Variants in URB2 observed in about 807,000 individuals in gnomAD.
URB2 encodes URB2 ribosome biogenesis homolog.
URB2 carries 86 observed loss-of-function variants against 120.9 expected under a neutral mutation model. The observed-to-expected ratio is 0.71, with a 90% CI of 0.60 to 0.85. The LOEUF (loss-of-function observed/expected upper bound fraction) is 0.85, where lower values mean the gene tolerates loss of function less well. Ranked by LOEUF, URB2 falls within the 40% of genes least tolerant of loss-of-function variation. URB2 has a pLI of 0.00. For synonymous variants in URB2, 755 were observed against 758.4 expected (o/e 1.00, Z 0.07); for missense variants, 1,765 against 1,836.5 (o/e 0.96, Z 0.71).
At chr1:229,656,878 T>C (rs1169035276) in intron 9 of URB2, among the ~76,000 whole-genome samples, 1 of 152,214 alleles carries the variant, frequency 6.6e-6, no homozygotes, top group Non-Finnish European at 1.5e-5. Context: ...CTACAGATGC[T>C]CCTGGACTTA....
chr1:229,635,688 G>A lies in URB2; in HGVS notation c.1075G>A (p.Val359Ile), dbSNP rs2102784163. Residue 359 changes from valine (V) to isoleucine (I), a missense_variant, in exon 4 of 10, where the codon GTT (valine) becomes ATT (isoleucine). Val to Ile is a conservative substitution (Grantham distance 29). Coordinates refer to ENST00000258243, the MANE Select transcript of URB2 (RefSeq NM_014777.4). ...STSDWTTELL[V>I]VEQLLNSVAN... ...ATCAGATTGGACCACAGAGCTTTTG[G>A]TTGTGGAACAGCTACTAAACTCAGT... 1 of 1,614,176 alleles carries A rather than the reference G, an allele frequency of 6.2e-7. No individual in the cohort carries two copies. The highest frequency in any genetic ancestry group is 8.5e-7 in the Non-Finnish European group (1 of 1,180,040).
chr1:229,628,269 A>ATATTATACATATACAT (rs71173753), intron 2 of URB2, among the ~76,000 whole-genome samples: 2 of 147,676 alleles, frequency 1.4e-5, no homozygotes, highest in African/African-American at 2.5e-5. Flanking sequence ...ATATGTATAT[A>ATATTATACATATACAT]AATTAGTCAG....
At chr1:229,627,544 A>T in intron 1 of URB2, 77 bp from the exon 2 acceptor site, 1 of 1,429,376 alleles carries the variant, frequency 7.0e-7, no homozygotes, top group Non-Finnish European at 9.5e-7. Flanking sequence ...ACAGTACTGC[A>T]ATACTGTTGG....
chr1:229,637,944 C>T lies in URB2; in HGVS notation c.3331C>T (p.Arg1111Cys), dbSNP rs115286310. The change falls in exon 4 of 10, where the codon CGC becomes TGC. Residue 1111 changes from arginine (R) to cysteine (C), a missense_variant. Transcript: ENST00000258243. ...CTCAGTGCCGGGGGCCCGGGGCTGG[C>T]GCCTTCCCTCGGTCCTCATCTCATC... ...LCSVPGARGW[R>C]LPSVLISSVS... The T allele has an allele frequency of 1.9e-4, 305 of 1,612,964 alleles. No individual in the cohort carries two copies. In the African/African-American group the frequency reaches 2.9e-3, roughly 15 times the overall value.
Position 229,637,123 on chromosome 1 carries a change from A to G in URB2, c.2510A>G (p.Gln837Arg). The G allele has an allele frequency of 6.2e-7, 1 of 1,613,086 alleles. No homozygotes were observed. Among genetic ancestry groups the G allele is most frequent in the Non-Finnish European group, 8.5e-7 (1 of 1,179,380 alleles). ...CGTGACTCAGGTCTTGTCAGTCAGC[A>G]GCTTCCCTGGCTTTTTGAAAAGGAC... Reference protein sequence around the residue: ...AQRDSGLVSQQLPWLFEKDHM... With the variant: ...AQRDSGLVSQRLPWLFEKDHM... Residue 837 changes from glutamine (Q) to arginine (R), a missense_variant, in exon 4 of 10, where the codon CAG becomes CGG. Transcript: ENST00000258243.
At position 229,635,201 on chromosome 1, in the gene URB2, T is replaced by C. The variant is rs1162361657; in HGVS notation, c.588T>C (p.Asp196=). ...TCAACCCAAGACGTGCCTTTGGGGA[T>C]GTGACTGCTCACCTGCTCCAGCCGT... is the stretch of plus-strand genomic sequence containing the variant. ...QQVNPRRAFG[D]VTAHLLQPCL... The change falls in exon 4 of 10, where the codon GAT becomes GAC. Residue 196 remains aspartate (D), a synonymous_variant. Transcript: ENST00000258243. 6.2e-7 allele frequency: 1 copy of C among 1,614,138 alleles called. No homozygotes were observed. The highest frequency in any genetic ancestry group is 8.5e-7 in the Non-Finnish European group (1 of 1,180,060).
chr1:229,632,074 A>G (rs1665680525), intron 2 of URB2, among the ~76,000 whole-genome samples, 195 bp from the exon 3 acceptor site: 1 of 152,194 alleles, frequency 6.6e-6, no homozygotes, highest in East Asian at 1.9e-4. Context: ...TCCTGTTCTT[A>G]TCCTTTAATA....
intron 6 of URB2, among the ~76,000 whole-genome samples, chr1:229,647,267 G>C (rs908754206): frequency 6.6e-6 from 1 of 152,178 alleles, no homozygotes; most frequent in Non-Finnish European, 1.5e-5. Context: ...GGTTACTTAG[G>C]TAAGACTTTG....
chr1:229,655,690 T>G (rs1344163147), intron 9 of URB2, among the ~76,000 whole-genome samples: 2 of 152,212 alleles, frequency 1.3e-5, no homozygotes, highest in African/African-American at 2.4e-5. Context: ...CAAAGTGCGG[T>G]GTATTCTTTT....
chr1:229,651,807 A>G (rs1386244601), intron 8 of URB2, among the ~76,000 whole-genome samples: 1 of 152,218 alleles, frequency 6.6e-6, no homozygotes. Context: ...TGGCAATAGC[A>G]TATATTATGT....
intron 5 of URB2, 130 bp from the exon 6 acceptor site, chr1:229,645,729 C>T (rs1480939918): frequency 7.8e-6 from 6 of 773,720 alleles, no homozygotes; most frequent in Non-Finnish European, 2.2e-6. Context: ...GCCTTGTCCA[C>T]CTCCCCTGAC....
rs537874037 is a variant in URB2 at position 229,647,162 on chromosome 1, C to T, written c.3907-348C>T. On this transcript the variant is annotated intron_variant, in intron 6 of 9. Transcript: ENST00000258243. ...CAGGGGTCCGCACAGCCAGAATACC[C>T]AGCAGAACAGTGAGCATTGTGAGAG... Among the ~76,000 whole-genome samples the T allele has an allele frequency of 3.3e-5, 5 of 152,282 alleles. No homozygotes were observed. The East Asian group carries it at 9.7e-4, about 29-fold the overall frequency.
rs1442263671 is a variant in URB2, at chr1:229,647,761, G to A, written c.4149+9G>A. ...TGCAGTGTCACCCTAAGGTGAGAAGGAGGGTGAGAGTGGCAGGCAGCTTTT... is the reference window on the plus strand; with the variant it reads ...TGCAGTGTCACCCTAAGGTGAGAAGAAGGGTGAGAGTGGCAGGCAGCTTTT... On this transcript the variant is annotated intron_variant, in intron 7 of 9. Coordinates refer to ENST00000258243, the MANE Select transcript of URB2 (RefSeq NM_014777.4). 1.2e-6 allele frequency: 2 copies of A among 1,607,480 alleles called. No individual in the cohort carries two copies. The highest frequency in any genetic ancestry group is 1.3e-5 in the African/African-American group (1 of 74,934).
intron 4 of URB2, among the ~76,000 whole-genome samples, chr1:229,638,559 T>G (rs559066333): frequency 1.3e-5 from 2 of 151,276 alleles, no homozygotes; most frequent in Admixed American, 1.3e-4. Context: ...GGCAGGAGAA[T>G]GGCGTGAACC....
At chr1:229,642,262 T>G (rs994715620) in intron 4 of URB2, among the ~76,000 whole-genome samples, 2 of 152,108 alleles carry the variant, frequency 1.3e-5, no homozygotes, top group Admixed American at 1.3e-4. Context: ...GCCTTTCATG[T>G]GAGGGCACTA....
In URB2 at chr1:229,651,287, T is replaced by C. The variant is rs763407434; in HGVS notation, c.4202T>C (p.Phe1401Ser). 20 of 1,612,758 alleles carry C rather than the reference T, an allele frequency of 1.2e-5. No individual in the cohort carries two copies. The East Asian group carries it at 4.0e-4, about 32-fold the overall frequency. The change falls in exon 8 of 10, where the codon TTT (phenylalanine) becomes TCT (serine). Residue 1401 changes from phenylalanine to serine, a missense_variant. By Grantham distance (155) the Phe-to-Ser change is radical. Coordinates refer to ENST00000258243, the MANE Select transcript of URB2 (RefSeq NM_014777.4). ...SFLNSFNRLV[F>S]SVMREGRQKD... ...TTGAACTCTTTCAATAGATTGGTGTTTTCAGTTATGCGGGAAGGGCGGCAG... is the reference window on the plus strand; with the variant it reads ...TTGAACTCTTTCAATAGATTGGTGTCTTCAGTTATGCGGGAAGGGCGGCAG...
rs1666475964 is a variant in URB2 at position 229,659,554 on chromosome 1, A to G, written c.*257A>G. The G allele has an allele frequency of 1.2e-5, 4 of 343,632 alleles. No homozygotes were observed. The highest frequency in any genetic ancestry group is 8.1e-4 in the Middle Eastern group (1 of 1,240). 21.3% of individuals were successfully genotyped at this position (343,632 alleles called of 1,614,324 possible). A position where few individuals can be genotyped will look rare whatever the true frequency, so the allele number is the denominator to read the frequency against. On this transcript the variant is annotated 3_prime_UTR_variant, in exon 10 of 10. Transcript: ENST00000258243. ...GACCCTGGGATGAGATTAATTCAAT[A>G]GAAAAATTGCTGACTCTTGGGACCT...
In URB2 at chr1:229,647,502, C is replaced by T. The variant is rs1666172399; in HGVS notation, c.3907-8C>T. The T allele has an allele frequency of 1.9e-6, 3 of 1,609,706 alleles. No individual in the cohort carries two copies. Among genetic ancestry groups the T allele is most frequent in the Non-Finnish European group, 2.5e-6 (3 of 1,176,622 alleles). Reference sequence around the variant, plus strand: ...TTCATTTTTCCTTTATTTTATTTTGCCCTTTAGCTCTTAAACCGAGAAGCT... The same window carrying T: ...TTCATTTTTCCTTTATTTTATTTTGTCCTTTAGCTCTTAAACCGAGAAGCT... On this transcript the variant is annotated splice_polypyrimidine_tract_variant and splice_region_variant and intron_variant, in intron 6 of 9. Coordinates refer to ENST00000258243, the MANE Select transcript of URB2 (RefSeq NM_014777.4).
intron 2 of URB2, among the ~76,000 whole-genome samples, chr1:229,628,193 A>ATG (rs934940167): frequency 6.9e-6 from 1 of 144,430 alleles, no homozygotes; most frequent in Non-Finnish European, 1.5e-5. Flanking sequence ...TATATATAAT[A>ATG]TATATGTATA....
Sources: gnomAD v4.1 joint callset for allele counts (sites outside exome capture counted in the v4.1 genomes callset) on GRCh38, gnomAD v4.1.1 for gene constraint, MANE v1.5 for transcripts, NCBI Gene and HGNC (gene_info 2026-07-23, HGNC 2026-07-21) for gene names.